The following GSG1L variants were observed in gnomAD, a reference collection of about 807,000 sequenced individuals.
The protein encoded by GSG1L is GSG1 like.
In GSG1L, 24 loss-of-function variants were observed where a neutral mutation model predicts 42.1. That is an observed-to-expected ratio of 0.57 (90% CI 0.41 to 0.80). The LOEUF (loss-of-function observed/expected upper bound fraction) is 0.80, where lower values mean the gene tolerates loss of function less well. Among genes scored for constraint, GSG1L ranks in the 30% least tolerant of loss-of-function variants. GSG1L has a pLI of 0.00. For missense variants in GSG1L, 445 were observed against 472.2 expected (o/e 0.94, Z 0.53); for synonymous variants, 215 against 203.5 (o/e 1.06, Z -0.48).
intron 3 of GSG1L, among the ~76,000 whole-genome samples, chr16:27,857,826 C>T (rs1355707565): frequency 1.3e-5 from 2 of 151,872 alleles, no homozygotes; most frequent in African/African-American, 2.4e-5. Flanking sequence ...CTCCAAGTGA[C>T]AAGCAGGAAT....
intron 1 of GSG1L, among the ~76,000 whole-genome samples, chr16:27,987,745 G>A (rs1483498270): frequency 1.3e-5 from 2 of 152,004 alleles, no homozygotes; most frequent in South Asian, 2.1e-4. Context: ...TCAGGAAATC[G>A]AGACCATCTT....
intron 1 of GSG1L, among the ~76,000 whole-genome samples, chr16:27,983,098 G>A (rs901689042): frequency 2.6e-5 from 4 of 152,186 alleles, no homozygotes; most frequent in Non-Finnish European, 5.9e-5. Context: ...ACTTTGGGAG[G>A]ACAAGGCAGG....
intron 1 of GSG1L, among the ~76,000 whole-genome samples, chr16:27,988,829 C>T (rs770927732): frequency 6.7e-6 from 1 of 150,364 alleles, no homozygotes; most frequent in South Asian, 2.1e-4. Context: ...CCGAGGTGGG[C>T]GGATCACGAG....
chr16:28,051,851 G>A (rs2086225397), intron 1 of GSG1L, among the ~76,000 whole-genome samples: 1 of 152,202 alleles, frequency 6.6e-6, no homozygotes, highest in Non-Finnish European at 1.5e-5. Flanking sequence ...GGGAGCCATT[G>A]GAGGGTCTGA....
At chr16:27,820,867 C>T (rs2083144141) in intron 5 of GSG1L, among the ~76,000 whole-genome samples, 1 of 152,188 alleles carries the variant, frequency 6.6e-6, no homozygotes, top group African/African-American at 2.4e-5. Context: ...GAGACCCAGG[C>T]ACAACTCCCA....
intron 1 of GSG1L, among the ~76,000 whole-genome samples, chr16:28,043,232 C>T (rs531438719): frequency 8.5e-5 from 13 of 152,224 alleles, no homozygotes; most frequent in South Asian, 2.1e-4. Flanking sequence ...CTTTAGAAGA[C>T]GAAACAGAAG....
At chr16:27,948,376 TTATTC>T (rs2084909705) in intron 2 of GSG1L, among the ~76,000 whole-genome samples, 1 of 152,066 alleles carries the variant, frequency 6.6e-6, no homozygotes, top group Non-Finnish European at 1.5e-5. Flanking sequence ...ATTCTTATTC[TTATTC>T]TTATTACTTT....
At position 27,867,230 on chromosome 16, in the gene GSG1L, C is replaced by T. The variant is rs773921977; in HGVS notation, c.550+17256G>A. ...AGATCAATGCACAAGCTCAGTTCAGCGCACAGCAGGTGATGCAGTGCTTAT... is the reference window on the plus strand; with the variant it reads ...AGATCAATGCACAAGCTCAGTTCAGTGCACAGCAGGTGATGCAGTGCTTAT... On this transcript the variant is annotated intron_variant, in intron 3 of 6. Transcript: ENST00000447459. Among the ~76,000 whole-genome samples the T allele has an allele frequency of 5.9e-5, 9 of 152,296 alleles. No individual in the cohort carries two copies. The South Asian group carries it at 1.0e-3, about 18-fold the overall frequency.
At chr16:27,804,546 CTT>C (rs979097516) in intron 6 of GSG1L, among the ~76,000 whole-genome samples, 14 of 151,142 alleles carry the variant, frequency 9.3e-5, no homozygotes, top group African/African-American at 3.4e-4. Flanking sequence ...GGGCCGTTGT[CTT>C]GCCTGACTCC....
intron 3 of GSG1L, among the ~76,000 whole-genome samples, chr16:27,875,389 C>T (rs77896196): frequency 0.036 from 5,420 of 152,214 alleles, 375 homozygotes; most frequent in East Asian, 0.17. Context: ...CCCTTCCTGG[C>T]ATCCTTTTCC....
At chr16:27,832,665 C>T (rs938429634) in intron 4 of GSG1L, among the ~76,000 whole-genome samples, 1 of 152,174 alleles carries the variant, frequency 6.6e-6, no homozygotes, top group Admixed American at 6.5e-5. Context: ...CTGATAAACG[C>T]GTAATAATAT....
At chr16:27,792,231 G>C (rs911326158) in intron 6 of GSG1L, among the ~76,000 whole-genome samples, 1 of 152,198 alleles carries the variant, frequency 6.6e-6, no homozygotes, top group Non-Finnish European at 1.5e-5. Context: ...AGGGGAACAA[G>C]AGCAGATGTC....
Position 28,063,380 on chromosome 16 carries a change from C to A in GSG1L, c.45G>T (p.Leu15=), listed in dbSNP as rs964060226. 8 of 1,389,680 alleles carry A rather than the reference C, an allele frequency of 5.8e-6. No individual in the cohort carries two copies. The African/African-American group carries it at 1.2e-4, about 21-fold the overall frequency. The allele number at this position is 1,389,680 out of a possible 1,614,324, so 86.1% of individuals were successfully genotyped here. A position where few individuals can be genotyped will look rare whatever the true frequency, so the allele number is the denominator to read the frequency against. The change falls in exon 1 of 7, where the codon CTG becomes CTT. Residue 15 remains leucine (L), a synonymous_variant. Coordinates refer to ENST00000447459, the MANE Select transcript of GSG1L (RefSeq NM_001109763.2). This position sits in a 1 kb window ranked among gnomAD's most constrained non-coding sequence, Gnocchi z 5.8. ...RRGRALLAVA[L]NLLALLFATT... Reference sequence around the variant, plus strand: ...TGGCGAACAGCAGCGCCAGCAGGTTCAGGGCCACGGCCAGGAGCGCTCGGC... The same window carrying A: ...TGGCGAACAGCAGCGCCAGCAGGTTAAGGGCCACGGCCAGGAGCGCTCGGC...
At chr16:27,953,609 T>G (rs2084974162) in intron 2 of GSG1L, among the ~76,000 whole-genome samples, 1 of 152,152 alleles carries the variant, frequency 6.6e-6, no homozygotes. Flanking sequence ...CTGGGTGCAA[T>G]GGCTCATACT....
At chr16:27,994,106 T>A (rs1006724003) in intron 1 of GSG1L, among the ~76,000 whole-genome samples, 2 of 152,308 alleles carry the variant, frequency 1.3e-5, no homozygotes, top group African/African-American at 4.8e-5. Flanking sequence ...CTCCTTAATT[T>A]TCTTAGTCGT....
chr16:28,036,704 C>T (rs542366953), intron 1 of GSG1L, among the ~76,000 whole-genome samples: 1 of 152,346 alleles, frequency 6.6e-6, no homozygotes, highest in African/African-American at 2.4e-5. Context: ...GCAGCCAGTT[C>T]TGCTTTGAGC....
Position 27,790,272 on chromosome 16 carries a change from G to A in GSG1L, c.*1098C>T, listed in dbSNP as rs569787473. Reference sequence around the variant, plus strand: ...GATGAGTGATGGATGATGGATGGAAGGATGGAAGGATAAAGGAGAAGAATA... The same window carrying A: ...GATGAGTGATGGATGATGGATGGAAAGATGGAAGGATAAAGGAGAAGAATA... On this transcript the variant is annotated 3_prime_UTR_variant, in exon 7 of 7. Coordinates refer to ENST00000447459, the MANE Select transcript of GSG1L (RefSeq NM_001109763.2). 2.4e-4 allele frequency: 36 copies of A among 152,306 alleles called. No individual in the cohort carries two copies. The highest frequency in any genetic ancestry group is 8.7e-4 in the African/African-American group (36 of 41,560). 9.4% of individuals were successfully genotyped at this position (152,306 alleles called of 1,614,324 possible).
At chr16:27,853,309 A>C (rs1164863091) in intron 3 of GSG1L, among the ~76,000 whole-genome samples, 2 of 152,224 alleles carry the variant, frequency 1.3e-5, no homozygotes, top group African/African-American at 4.8e-5. Context: ...TGCTATGTTT[A>C]AAACTTGCCC....
intron 1 of GSG1L, among the ~76,000 whole-genome samples, chr16:28,039,607 A>G (rs1000884305): frequency 1.3e-5 from 2 of 151,834 alleles, no homozygotes; most frequent in Middle Eastern, 3.2e-3. Context: ...ACACTTGCAC[A>G]CACACACACA....
Sources: allele counts gnomAD v4.1 joint callset (sites outside exome capture counted in the v4.1 genomes callset), GRCh38; gene constraint gnomAD v4.1.1; non-coding constraint Gnocchi (gnomAD v3.1); transcripts MANE v1.5; gene names NCBI Gene and HGNC (gene_info 2026-07-23, HGNC 2026-07-21).